AP4E1: variants seen among roughly 807,000 people sequenced by gnomAD.
AP4E1 encodes AP-4 complex subunit epsilon-1.
A neutral mutation model predicts 128.2 loss-of-function variants in AP4E1; 56 were observed. The observed-to-expected ratio is 0.44, with a 90% CI of 0.35 to 0.55. The LOEUF (loss-of-function observed/expected upper bound fraction) is 0.55. AP4E1 is among the 20% of genes least tolerant of loss of function. The probability of loss-of-function intolerance (pLI) is 0.00; values close to 1 mark genes in which losing one functional copy is unlikely to be tolerated. For missense variants in AP4E1, 1,324 were observed against 1,307.7 expected (o/e 1.01, Z -0.19); for synonymous variants, 484 against 473.1 (o/e 1.02, Z -0.30).
chr15:50,945,162 G>T, intron 10 of AP4E1: 1 of 870,684 alleles, frequency 1.1e-6, no homozygotes, highest in South Asian at 1.3e-5. Flanking sequence ...TCACTGTAAA[G>T]AAGCTGTTTT....
At chr15:50,969,874 T>C (rs911162156) in intron 15 of AP4E1, among the ~76,000 whole-genome samples, 6 of 152,132 alleles carry the variant, frequency 3.9e-5, no homozygotes, top group Non-Finnish European at 8.8e-5. Flanking sequence ...TTAGCCAGGA[T>C]GGTCTCGATC....
At chr15:50,942,168 T>C (rs2063997433) in intron 10 of AP4E1, among the ~76,000 whole-genome samples, 1 of 152,178 alleles carries the variant, frequency 6.6e-6, no homozygotes, top group African/African-American at 2.4e-5. Context: ...CTGCCTGCCT[T>C]GGCCTCCCAA....
intron 1 of AP4E1, among the ~76,000 whole-genome samples, chr15:50,909,155 T>C (rs576743453): frequency 7.9e-5 from 12 of 152,258 alleles, no homozygotes; most frequent in Non-Finnish European, 1.8e-4. Flanking sequence ...ACTGACTCTT[T>C]GATCGGGGGC....
intron 10 of AP4E1, among the ~76,000 whole-genome samples, chr15:50,947,699 G>A (rs2064081781): frequency 6.6e-6 from 1 of 152,076 alleles, no homozygotes; most frequent in African/African-American, 2.4e-5. Context: ...TTTAAGGGCT[G>A]TTATGTTTTT....
rs1423698420 is a variant in AP4E1, at chr15:50,934,658, T to A, written c.904T>A (p.Ser302Thr). Residue 302 changes from serine (S) to threonine (T), a missense_variant, in exon 8 of 21, where the codon TCC becomes ACC. By Grantham distance (58) the Ser-to-Thr change is moderately conservative (BLOSUM62 1). Coordinates refer to ENST00000261842, the MANE Select transcript of AP4E1 (RefSeq NM_007347.5). Reference sequence around the variant, plus strand: ...ATTAATGTATGATGTTCTTGATGAATCCTTACGAAGAGCTGAGTTAAATCA... The same window carrying A: ...ATTAATGTATGATGTTCTTGATGAAACCTTACGAAGAGCTGAGTTAAATCA... The part of the protein sequence containing the change: ...SELMYDVLDE[S>T]LRRAELNHNV... 1.2e-6 allele frequency: 2 copies of A among 1,609,168 alleles called. No homozygotes were observed. The highest frequency in any genetic ancestry group is 1.7e-6 in the Non-Finnish European group (2 of 1,175,998).
Position 50,962,447 on chromosome 15 carries a change from C to T in AP4E1, c.1851+3653C>T, listed in dbSNP as rs139211072. 2.8e-3 allele frequency among the ~76,000 whole-genome samples: 419 copies of T among 151,736 alleles called. 3 individuals carry two copies. The highest frequency in any genetic ancestry group is 9.5e-3 in the African/African-American group (392 of 41,444). ...TGGAACAGAGGGAACCCAGAAAAAC[C>T]GTGTATTTACGACTAACTGATTTTC... On this transcript the variant is annotated intron_variant, in intron 14 of 20. Coordinates refer to ENST00000261842, the MANE Select transcript of AP4E1 (RefSeq NM_007347.5).
chr15:50,996,726 C>A (rs1303774669), intron 17 of AP4E1, among the ~76,000 whole-genome samples: 1 of 152,160 alleles, frequency 6.6e-6, no homozygotes, highest in Non-Finnish European at 1.5e-5. Context: ...AAAGTTTGGA[C>A]CAACGATGTC....
rs141929019 is a variant in AP4E1 at position 50,978,274 on chromosome 15, G to C, written c.1967-5748G>C. On this transcript the variant is annotated intron_variant, in intron 15 of 20. Coordinates refer to ENST00000261842, the MANE Select transcript of AP4E1 (RefSeq NM_007347.5). ...AAAATGTGTTATAACTCCAACACTA[G>C]ATAACCAGAAATAATAAGGGGAAAC... is the stretch of plus-strand genomic sequence containing the variant. 2.1e-3 allele frequency among the ~76,000 whole-genome samples: 325 copies of C among 152,150 alleles called. 2 individuals carry two copies. The highest frequency in any genetic ancestry group is 7.6e-3 in the African/African-American group (315 of 41,524).
At chr15:50,948,229 G>C (rs1329157836) in intron 11 of AP4E1, 70 bp downstream of exon 11, 2 of 1,569,390 alleles carry the variant, frequency 1.3e-6, no homozygotes, top group South Asian at 1.1e-5. Context: ...GATTGGTATA[G>C]ATATGGTCAC....
At chr15:50,965,198 A>C (rs894185289) in intron 14 of AP4E1, among the ~76,000 whole-genome samples, 1 of 152,088 alleles carries the variant, frequency 6.6e-6, no homozygotes, top group Non-Finnish European at 1.5e-5. Flanking sequence ...TCTTTATAGC[A>C]GTGCAAGAAC....
intron 13 of AP4E1, among the ~76,000 whole-genome samples, chr15:50,953,537 T>C (rs934794748): frequency 6.6e-5 from 10 of 152,252 alleles, no homozygotes; most frequent in Admixed American, 4.6e-4. Flanking sequence ...CTTTGTCCAG[T>C]GTATCCATGC....
intron 16 of AP4E1, among the ~76,000 whole-genome samples, chr15:50,990,105 G>T (rs1390143898): frequency 6.6e-6 from 1 of 151,966 alleles, no homozygotes; most frequent in African/African-American, 2.4e-5. Context: ...TCTTTTGAAG[G>T]TTAGTTACTT....
At chr15:50,967,546 G>A (rs2064410307) in intron 14 of AP4E1, among the ~76,000 whole-genome samples, 1 of 152,216 alleles carries the variant, frequency 6.6e-6, no homozygotes, top group Non-Finnish European at 1.5e-5. Context: ...TTAGCCCCCT[G>A]CAGCAGGAAA....
chr15:50,922,163 C>CAA (rs34829950), intron 3 of AP4E1, among the ~76,000 whole-genome samples: 17,791 of 79,320 alleles, frequency 0.22, 2,079 homozygotes, highest in East Asian at 0.45. Flanking sequence ...CCTATCTCTA[C>CAA]AAAAAAAAAA....
intron 13 of AP4E1, among the ~76,000 whole-genome samples, chr15:50,952,152 A>T (rs1025733706): frequency 1.1e-4 from 16 of 152,026 alleles, no homozygotes; most frequent in African/African-American, 3.4e-4. Context: ...GTGACACTTC[A>T]CTCCTAAAAC....
At chr15:50,970,163 C>G (rs1172503234) in intron 15 of AP4E1, among the ~76,000 whole-genome samples, 1 of 152,204 alleles carries the variant, frequency 6.6e-6, no homozygotes, top group Non-Finnish European at 1.5e-5. Context: ...TTTTCTTTAG[C>G]TTCCACATAT....
In AP4E1 at chr15:50,999,911, T is replaced by A. The variant is rs146416269; in HGVS notation, c.3095+649T>A. Reference sequence around the variant, plus strand: ...TGTGTTATTAAACTATTATTAAACATGCAGTTTTTACCATTATACTGGGCA... The same window carrying A: ...TGTGTTATTAAACTATTATTAAACAAGCAGTTTTTACCATTATACTGGGCA... On this transcript the variant is annotated intron_variant, in intron 19 of 20. Transcript: ENST00000261842. Among the ~76,000 whole-genome samples the A allele has an allele frequency of 2.3e-3, 315 of 139,768 alleles. 2 individuals are homozygous for A. Among genetic ancestry groups the A allele is most frequent in the African/African-American group, 8.2e-3 (305 of 37,318 alleles). The allele number at this position is 139,768 out of a possible 152,430, so 91.7% of individuals were successfully genotyped here.
At chr15:50,924,826 T>G (rs1445672552) in intron 4 of AP4E1, among the ~76,000 whole-genome samples, 2 of 152,204 alleles carry the variant, frequency 1.3e-5, no homozygotes, top group African/African-American at 4.8e-5. Flanking sequence ...TTTTAAAGGC[T>G]GTAATAAAGG....
At chr15:50,912,758 A>T (rs1370842446) in intron 2 of AP4E1, among the ~76,000 whole-genome samples, 9 of 150,742 alleles carry the variant, frequency 6.0e-5, no homozygotes, top group Non-Finnish European at 4.4e-5. Context: ...TGCCTCCTGG[A>T]TTCAACCGAT....
Sources: allele counts gnomAD v4.1 joint callset (sites outside exome capture counted in the v4.1 genomes callset), GRCh38; gene constraint gnomAD v4.1.1; transcripts MANE v1.5; gene names NCBI Gene and HGNC (gene_info 2026-07-23, HGNC 2026-07-21).